The following COL19A1 variants were observed in gnomAD, a reference collection of about 807,000 sequenced individuals.
The protein encoded by COL19A1 is collagen type XIX alpha 1 chain.
A neutral mutation model predicts 190.2 loss-of-function variants in COL19A1; 159 were observed. That is an observed-to-expected ratio of 0.84 (90% CI 0.73 to 0.95). The LOEUF (loss-of-function observed/expected upper bound fraction) is 0.95. Ranked by LOEUF, COL19A1 falls within the 40% of genes least tolerant of loss-of-function variation. COL19A1 has a pLI of 0.00. For missense variants in COL19A1, 1,418 were observed against 1,431.9 expected (o/e 0.99, Z 0.16); for synonymous variants, 509 against 458.9 (o/e 1.11, Z -1.39).
Position 70,035,980 on chromosome 6 carries a change from T to C in COL19A1, c.1170+41T>C, listed in dbSNP as rs764204018. ...ATCAAAATTCAAAATTGAAATCCAT[T>C]ATTCTGTTTATTATCCATATTACAT... On this transcript the variant is annotated intron_variant, in intron 14 of 50. Coordinates refer to ENST00000620364, the MANE Select transcript of COL19A1 (RefSeq NM_001858.6). 3.2e-6 allele frequency: 5 copies of C among 1,567,912 alleles called. No individual in the cohort carries two copies. In the South Asian group the frequency reaches 3.3e-5, roughly 10 times the overall value.
intron 12 of COL19A1, among the ~76,000 whole-genome samples, chr6:70,031,938 C>T (rs1779097946): frequency 6.6e-6 from 1 of 152,116 alleles, no homozygotes; most frequent in Non-Finnish European, 1.5e-5. Context: ...AAATCGTTGA[C>T]ACTTGTTTTT....
At chr6:70,089,751 A>G (rs1782790063) in intron 15 of COL19A1, among the ~76,000 whole-genome samples, 1 of 152,164 alleles carries the variant, frequency 6.6e-6, no homozygotes, top group Non-Finnish European at 1.5e-5. Context: ...CCTTGAGTAC[A>G]AGTTCATTAA....
At chr6:70,018,496 C>A (rs1420224047) in intron 11 of COL19A1, among the ~76,000 whole-genome samples, 1 of 152,028 alleles carries the variant, frequency 6.6e-6, no homozygotes, top group Non-Finnish European at 1.5e-5. Flanking sequence ...GCTAGTAGAG[C>A]AAGGGTGTTT....
intron 11 of COL19A1, among the ~76,000 whole-genome samples, chr6:70,009,646 T>TA (rs1406204168): frequency 6.9e-6 from 1 of 143,986 alleles, no homozygotes; most frequent in Admixed American, 6.7e-5. Context: ...AAATGATTTT[T>TA]AAAAAAATAA....
At chr6:69,998,876 T>G (rs1032969758) in intron 11 of COL19A1, among the ~76,000 whole-genome samples, 7 of 152,202 alleles carry the variant, frequency 4.6e-5, no homozygotes, top group Non-Finnish European at 1.0e-4. Flanking sequence ...CTCTTTGTTA[T>G]GTACTTCAAA....
chr6:69,962,820 C>T lies in COL19A1; in HGVS notation c.982-6C>T. On this transcript the variant is annotated splice_polypyrimidine_tract_variant and splice_region_variant and intron_variant, in intron 10 of 50. Transcript: ENST00000620364. ...TTACTATACACATCATATTCCTCTTCTACAGGGAGAGCAAGGTTTTGAAGG... is the reference window on the plus strand; with the variant it reads ...TTACTATACACATCATATTCCTCTTTTACAGGGAGAGCAAGGTTTTGAAGG... The T allele has an allele frequency of 6.2e-7, 1 of 1,602,622 alleles. No homozygotes were observed. The highest frequency in any genetic ancestry group is 8.5e-7 in the Non-Finnish European group (1 of 1,172,162).
chr6:70,061,096 A>G (rs1780802906), intron 14 of COL19A1, among the ~76,000 whole-genome samples: 1 of 152,150 alleles, frequency 6.6e-6, no homozygotes, highest in African/African-American at 2.4e-5. Flanking sequence ...CCACTGTTTG[A>G]CTTTACTAAA....
intron 2 of COL19A1, among the ~76,000 whole-genome samples, chr6:69,893,871 C>A (rs1417880743): frequency 6.6e-6 from 1 of 152,154 alleles, no homozygotes; most frequent in African/African-American, 2.4e-5. Flanking sequence ...CCTGAACATT[C>A]TTTTCCATTG....
intron 36 of COL19A1, 25 bp downstream of exon 36, chr6:70,163,421 C>T: frequency 6.2e-7 from 1 of 1,605,620 alleles, no homozygotes. Flanking sequence ...CCTCACTTAC[C>T]ATCCAAACTG....
rs568612292 is a variant in COL19A1 at position 70,183,782 on chromosome 6, A to G, written c.2776-921A>G. On this transcript the variant is annotated intron_variant, in intron 44 of 50. Coordinates refer to ENST00000620364, the MANE Select transcript of COL19A1 (RefSeq NM_001858.6). ...GTTCTTTGCAGTTCCATCCCACAGAATCCATTCCAGCACAATAAAAGTCCC... is the reference window on the plus strand; with the variant it reads ...GTTCTTTGCAGTTCCATCCCACAGAGTCCATTCCAGCACAATAAAAGTCCC... Among the ~76,000 whole-genome samples, 6 of 152,326 alleles carry G rather than the reference A, an allele frequency of 3.9e-5. 1 individual carries two copies. The highest frequency in any genetic ancestry group is 1.4e-4 in the African/African-American group (6 of 41,586).
At chr6:70,190,416 ACT>A in intron 48 of COL19A1, 35 bp downstream of exon 48, 1 of 1,361,238 alleles carries the variant, frequency 7.3e-7, no homozygotes, top group Non-Finnish European at 1.0e-6. Context: ...CGAATTTTTC[ACT>A]GATTCCCACC....
chr6:70,086,220 G>T (rs1299330691), intron 15 of COL19A1, among the ~76,000 whole-genome samples: 1 of 151,830 alleles, frequency 6.6e-6, no homozygotes, highest in Admixed American at 6.6e-5. Context: ...ATCCACAACA[G>T]AATTCAGCAT....
chr6:69,876,269 G>T (rs796393148), intron 1 of COL19A1, among the ~76,000 whole-genome samples: 1 of 152,176 alleles, frequency 6.6e-6, no homozygotes. Flanking sequence ...AGTGGCTCAA[G>T]GAAGTAATTA....
At chr6:70,061,464 G>A (rs752830221) in intron 14 of COL19A1, among the ~76,000 whole-genome samples, 32 of 151,974 alleles carry the variant, frequency 2.1e-4, no homozygotes, top group Non-Finnish European at 1.2e-4. Flanking sequence ...TAGGAGGCCC[G>A]TAAGTGATTT....
At chr6:70,044,556 G>A (rs1779806562) in intron 14 of COL19A1, among the ~76,000 whole-genome samples, 1 of 152,116 alleles carries the variant, frequency 6.6e-6, no homozygotes, top group Non-Finnish European at 1.5e-5. Flanking sequence ...AACACTTGAG[G>A]CCATTGTATG....
intron 5 of COL19A1, 94 bp downstream of exon 5, chr6:69,928,126 T>C: frequency 6.7e-7 from 1 of 1,500,568 alleles, no homozygotes; most frequent in Admixed American, 1.8e-5. Context: ...CGAGTAGATC[T>C]AGTATCCAAA....
At chr6:70,206,231 A>G (rs891787434) in intron 49 of COL19A1, among the ~76,000 whole-genome samples, 3 of 152,204 alleles carry the variant, frequency 2.0e-5, no homozygotes, top group Admixed American at 6.5e-5. Flanking sequence ...CTTGCCTTCA[A>G]TCAGAATTCC....
intron 42 of COL19A1, among the ~76,000 whole-genome samples, chr6:70,180,072 GAC>G (rs756484759): frequency 2.6e-5 from 4 of 152,078 alleles, no homozygotes; most frequent in Non-Finnish European, 5.9e-5. Context: ...TTTTAGTAGA[GAC>G]AGGGTTTCGC....
At position 69,986,219 on chromosome 6, in the gene COL19A1, TTTTATATA is replaced by T. The variant is rs1171363319; in HGVS notation, c.1026+23351_1026+23358del. On this transcript the variant is annotated intron_variant, in intron 11 of 50. Coordinates refer to ENST00000620364, the MANE Select transcript of COL19A1 (RefSeq NM_001858.6). ...AGTAAAATGTTAAATGACTTACACG[TTTTATATA>T]TATATATATATATATATATATATAT... Among the ~76,000 whole-genome samples, 9 of 64,458 alleles carry T rather than the reference TTTTATATA, an allele frequency of 1.4e-4. No individual in the cohort carries two copies. In the Admixed American group the frequency reaches 1.8e-3, roughly 13 times the overall value. The allele number at this position is 64,458 out of a possible 152,430, so 42.3% of individuals were successfully genotyped here. A position where few individuals can be genotyped will look rare whatever the true frequency, so the allele number is the denominator to read the frequency against.
Sources: allele counts gnomAD v4.1 joint callset (sites outside exome capture counted in the v4.1 genomes callset), GRCh38; gene constraint gnomAD v4.1.1; transcripts MANE v1.5; gene names NCBI Gene and HGNC (gene_info 2026-07-23, HGNC 2026-07-21).